The following CACHD1 variants were observed in gnomAD, a reference collection of about 807,000 sequenced individuals.
CACHD1 encodes cache domain containing 1.
CACHD1 carries 71 observed loss-of-function variants against 138.7 expected under a neutral mutation model. That is an observed-to-expected ratio of 0.51 (90% confidence interval 0.42 to 0.62). CACHD1 has a LOEUF of 0.62. Ranked by LOEUF, CACHD1 falls within the 20% of genes least tolerant of loss-of-function variation. The pLI is 0.00. For missense variants in CACHD1, 1,389 were observed against 1,625.3 expected (o/e 0.85, Z 2.50); for synonymous variants, 578 against 591.5 (o/e 0.98, Z 0.33).
intron 1 of CACHD1, among the ~76,000 whole-genome samples, chr1:64,531,705 C>G (rs938231946): frequency 6.6e-6 from 1 of 151,680 alleles, no homozygotes; most frequent in African/African-American, 2.4e-5. Context: ...CACATTACCC[C>G]CTGGTGTCTC....
chr1:64,689,601 A>G (rs761071870), intron 26 of CACHD1, among the ~76,000 whole-genome samples: 4 of 152,082 alleles, frequency 2.6e-5, no homozygotes, highest in Non-Finnish European at 5.9e-5. Flanking sequence ...CCTGCTCAGT[A>G]TCTTGTGTGG....
chr1:64,579,363 T>C (rs1251317229), intron 2 of CACHD1, among the ~76,000 whole-genome samples: 2 of 152,160 alleles, frequency 1.3e-5, no homozygotes, highest in Non-Finnish European at 2.9e-5. Flanking sequence ...GAAGAAACCC[T>C]TGGGTATTTC....
At chr1:64,648,663 T>C (rs913053355) in intron 9 of CACHD1, among the ~76,000 whole-genome samples, 3 of 152,214 alleles carry the variant, frequency 2.0e-5, no homozygotes, top group Admixed American at 2.0e-4. Flanking sequence ...TTTACCTTTG[T>C]TGTTATCATT....
rs1648731156 is a variant in CACHD1, at chr1:64,641,945, A to C, written c.1132A>C (p.Ile378Leu). The C allele has an allele frequency of 6.3e-7, 1 of 1,596,206 alleles. No homozygotes were observed. The highest frequency in any genetic ancestry group is 1.8e-5 in the Admixed American group (1 of 55,738). The change falls in exon 8 of 27, where the codon ATT becomes CTT. Residue 378 changes from isoleucine to leucine, a missense_variant. By Grantham distance (5) the Ile-to-Leu change is conservative (BLOSUM62 2). This residue lies in a region of CACHD1 where 1,000 missense variants were observed against 1,114.7 expected (regional missense o/e 0.90). Coordinates refer to ENST00000651257, the MANE Select transcript of CACHD1 (RefSeq NM_020925.4). ...ENSFLNNSVM[I>L]LTYALMNDGV... ...TAGCTTTCTAAACAACTCTGTAATG[A>C]TTCTCACCTATGCCCTCATGAACGG...
chr1:64,500,732 AAAAGAGAGAG>A (rs374927870), intron 1 of CACHD1, among the ~76,000 whole-genome samples: 932 of 51,700 alleles, frequency 0.018, 19 homozygotes, highest in African/African-American at 0.023. Context: ...AAAAAAAAAA[AAAAGAGAGAG>A]AGAGAGAGAG....
At position 64,625,701 on chromosome 1, in the gene CACHD1, G is replaced by A. The variant is rs1648075542; in HGVS notation, c.518-3654G>A. Among the ~76,000 whole-genome samples, 3 of 151,308 alleles carry A rather than the reference G, an allele frequency of 2.0e-5. No homozygotes were observed. The South Asian group carries it at 6.3e-4, about 32-fold the overall frequency. On this transcript the variant is annotated intron_variant, in intron 4 of 26. Coordinates refer to ENST00000651257, the MANE Select transcript of CACHD1 (RefSeq NM_020925.4). ...TATTCATGTGATGATTACCCTAAAA[G>A]CTCAGACTTCATCACTACACAATAT...
At chr1:64,556,069 A>G (rs1323905875) in intron 2 of CACHD1, among the ~76,000 whole-genome samples, 1 of 152,200 alleles carries the variant, frequency 6.6e-6, no homozygotes, top group East Asian at 1.9e-4. Flanking sequence ...CCCATCTTCA[A>G]ACCCTGAGGT....
At chr1:64,631,405 T>C (rs1176179092) in intron 5 of CACHD1, among the ~76,000 whole-genome samples, 1 of 152,178 alleles carries the variant, frequency 6.6e-6, no homozygotes, top group Non-Finnish European at 1.5e-5. Context: ...TATCGACTCA[T>C]GAAAATATAG....
At chr1:64,646,154 A>G (rs1021704187) in intron 8 of CACHD1, among the ~76,000 whole-genome samples, 11 of 152,160 alleles carry the variant, frequency 7.2e-5, no homozygotes, top group African/African-American at 2.7e-4. Flanking sequence ...GACTCAAGCA[A>G]TACATGACAA....
intron 9 of CACHD1, among the ~76,000 whole-genome samples, chr1:64,651,430 A>T (rs1337447135): frequency 6.6e-6 from 1 of 152,156 alleles, no homozygotes; most frequent in Non-Finnish European, 1.5e-5. Flanking sequence ...GCATTCCTTT[A>T]TCCATAGTCT....
At chr1:64,560,869 A>G (rs903622911) in intron 2 of CACHD1, among the ~76,000 whole-genome samples, 3 of 152,090 alleles carry the variant, frequency 2.0e-5, no homozygotes, top group South Asian at 4.1e-4. Flanking sequence ...ATGTCTTTAT[A>G]TACACATTTA....
In CACHD1 at chr1:64,691,313, C is replaced by A. The variant is rs1446952811; in HGVS notation, c.3587-10C>A. 7 of 1,611,992 alleles carry A rather than the reference C, an allele frequency of 4.3e-6. No homozygotes were observed. Among genetic ancestry groups the A allele is most frequent in the African/African-American group, 1.3e-5 (1 of 74,836 alleles). On this transcript the variant is annotated splice_polypyrimidine_tract_variant and intron_variant, in intron 26 of 26. Coordinates refer to ENST00000651257, the MANE Select transcript of CACHD1 (RefSeq NM_020925.4). The stretch of plus-strand genomic sequence containing the variant: ...CTCTCAGCTGTGTGTTTGTTTTGTT[C>A]TTTTTCTAGGTTACAGCACCATGAG...
At chr1:64,524,443 C>T (rs943227091) in intron 1 of CACHD1, among the ~76,000 whole-genome samples, 2 of 152,172 alleles carry the variant, frequency 1.3e-5, no homozygotes, top group African/African-American at 4.8e-5. Context: ...GCACCACTTA[C>T]TGGGTTTTTA....
intron 1 of CACHD1, among the ~76,000 whole-genome samples, chr1:64,505,499 T>TA (rs1254280824): frequency 5.9e-5 from 9 of 151,622 alleles, no homozygotes; most frequent in African/African-American, 2.2e-4. Context: ...ATTAGGTGCA[T>TA]AAAATCGCTG....
intron 26 of CACHD1, among the ~76,000 whole-genome samples, chr1:64,687,987 C>T (rs188231926): frequency 3.3e-5 from 5 of 151,882 alleles, no homozygotes; most frequent in Admixed American, 3.3e-4. Flanking sequence ...AGAAGGAGCA[C>T]CAGCCCCCAT....
At chr1:64,563,184 C>T (rs556234104) in intron 2 of CACHD1, among the ~76,000 whole-genome samples, 28 of 131,306 alleles carry the variant, frequency 2.1e-4, no homozygotes, top group Middle Eastern at 3.9e-3. Flanking sequence ...TATATTCTGA[C>T]AGACAGTTTT....
chr1:64,551,451 T>C (rs1370406002), intron 2 of CACHD1, among the ~76,000 whole-genome samples: 1 of 152,180 alleles, frequency 6.6e-6, no homozygotes, highest in East Asian at 1.9e-4. Context: ...TTCATTACAG[T>C]ATGTGACCAT....
chr1:64,490,797 A>G (rs982564281), intron 1 of CACHD1, among the ~76,000 whole-genome samples: 2 of 152,212 alleles, frequency 1.3e-5, no homozygotes, highest in Non-Finnish European at 2.9e-5. Context: ...AAAAGCAAGA[A>G]TTTATATAAA....
chr1:64,605,902 G>T (rs190151997), intron 4 of CACHD1, among the ~76,000 whole-genome samples: 1 of 152,090 alleles, frequency 6.6e-6, no homozygotes, highest in Non-Finnish European at 1.5e-5. Context: ...TTTAGCTTTT[G>T]CTCTGAATGA....
Sources: gnomAD v4.1 joint callset for allele counts (sites outside exome capture counted in the v4.1 genomes callset) on GRCh38, gnomAD v4.1.1 for gene constraint, gnomAD v4.1.1 regional missense constraint, MANE v1.5 for transcripts, NCBI Gene and HGNC (gene_info 2026-07-23, HGNC 2026-07-21) for gene names.